The following POLK variants were observed in gnomAD, a reference collection of about 807,000 sequenced individuals.
POLK encodes polymerase (DNA directed) kappa.
In POLK, 76 loss-of-function variants were observed where a neutral mutation model predicts 94.0. That is an observed-to-expected ratio of 0.81 (90% CI 0.67 to 0.98). The LOEUF (loss-of-function observed/expected upper bound fraction) is 0.98. Among genes scored for constraint, POLK ranks in the 50% least tolerant of loss-of-function variants. The pLI, the probability that POLK is intolerant of heterozygous loss-of-function variation, is 0.00. For synonymous variants in POLK, 349 were observed against 325.4 expected (o/e 1.07, Z -0.78); for missense variants, 954 against 1,010.1 (o/e 0.94, Z 0.75).
At chr5:75,540,716 C>G (rs996379698) in intron 1 of POLK, among the ~76,000 whole-genome samples, 2 of 151,998 alleles carry the variant, frequency 1.3e-5, no homozygotes, top group African/African-American at 4.8e-5. Flanking sequence ...ATGAACTGTC[C>G]CTTAAGACCT....
chr5:75,544,312 A>G (rs1769898413), intron 1 of POLK, among the ~76,000 whole-genome samples: 1 of 152,288 alleles, frequency 6.6e-6, no homozygotes, highest in South Asian at 2.1e-4. Flanking sequence ...ACTCGAGCCC[A>G]GGAATTCAAG....
exon 13 of POLK, chr5:75,596,591 G>A (rs770083166): frequency 1.2e-6 from 2 of 1,613,732 alleles, no homozygotes; most frequent in Non-Finnish European, 1.7e-6. Flanking sequence ...GCTCAAGGGT[G>A]CATCAGTCTG....
At chr5:75,559,687 C>T (rs1770871531) in intron 3 of POLK, among the ~76,000 whole-genome samples, 1 of 151,466 alleles carries the variant, frequency 6.6e-6, no homozygotes, top group Non-Finnish European at 1.5e-5. Flanking sequence ...TATAGGTGTA[C>T]ACTTTCACAC....
At chr5:75,512,028 G>C (rs969150299) in intron 1 of POLK, 114 bp downstream of exon 1, 2 of 500,568 alleles carry the variant, frequency 4.0e-6, no homozygotes, top group African/African-American at 4.0e-5. Context: ...TCCTTGCCTT[G>C]TGTGTTTATG....
intron 1 of POLK, among the ~76,000 whole-genome samples, chr5:75,545,599 A>C (rs1487119897): frequency 6.6e-6 from 1 of 152,214 alleles, no homozygotes; most frequent in Non-Finnish European, 1.5e-5. Flanking sequence ...GTATATAAAG[A>C]TATTAAATAA....
chr5:75,577,080 T>A (rs1308159817), intron 6 of POLK, 147 bp downstream of exon 6: 3 of 435,306 alleles, frequency 6.9e-6, no homozygotes, highest in African/African-American at 4.1e-5. Flanking sequence ...CAGAAAATTT[T>A]AAAAATACCA....
chr5:75,569,869 A>G (rs1405788065), intron 4 of POLK, among the ~76,000 whole-genome samples: 1 of 152,208 alleles, frequency 6.6e-6, no homozygotes, highest in Non-Finnish European at 1.5e-5. Context: ...TGAACTGCAC[A>G]TGTGAGGGAT....
intron 1 of POLK, among the ~76,000 whole-genome samples, chr5:75,531,425 C>T (rs1769178705): frequency 6.8e-6 from 1 of 147,028 alleles, no homozygotes; most frequent in East Asian, 1.9e-4. Context: ...TAGCTATTTA[C>T]ACCAGTATAT....
At chr5:75,565,766 G>T (rs1330394598) in intron 3 of POLK, among the ~76,000 whole-genome samples, 1 of 152,194 alleles carries the variant, frequency 6.6e-6, no homozygotes, top group Non-Finnish European at 1.5e-5. Context: ...TCATCCCAGA[G>T]GGGCACCATC....
rs5744688 is a variant in POLK at position 75,586,813 on chromosome 5, A to G, written c.1227-213A>G. 7.2e-5 allele frequency among the ~76,000 whole-genome samples: 11 copies of G among 152,280 alleles called. No individual in the cohort carries two copies. In the South Asian group the frequency reaches 1.7e-3, roughly 23 times the overall value. On this transcript the variant is annotated intron_variant, in intron 9 of 14. Coordinates refer to ENST00000241436, the Ensembl canonical transcript of POLK. Reference sequence around the variant, plus strand: ...CCTATTTTCAAGTTTGTTCTCTTCAATAGATATAGACTTGATTCATAATCA... The same window carrying G: ...CCTATTTTCAAGTTTGTTCTCTTCAGTAGATATAGACTTGATTCATAATCA...
chr5:75,583,471 T>A lies in POLK; in HGVS notation c.1059+54T>A, dbSNP rs756699840. ...ATATGTACTCTGAATTCTGAAGAGA[T>A]ACTGTGTAGGCCAATAGTTAATCAT... On this transcript the variant is annotated intron_variant, in intron 8 of 14. Transcript: ENST00000241436. The A allele has an allele frequency of 4.3e-6, 5 of 1,161,338 alleles. No individual in the cohort carries two copies. The East Asian group carries it at 9.6e-5, about 22-fold the overall frequency. 71.9% of individuals were successfully genotyped at this position (1,161,338 alleles called of 1,614,324 possible). A position where few individuals can be genotyped will look rare whatever the true frequency, so the allele number is the denominator to read the frequency against.
At chr5:75,595,898 A>G (rs1773056673) in intron 12 of POLK, among the ~76,000 whole-genome samples, 1 of 152,170 alleles carries the variant, frequency 6.6e-6, no homozygotes, top group Admixed American at 6.5e-5. Flanking sequence ...TCCTCTAAAA[A>G]ATAAAGTCTA....
At chr5:75,576,629 G>T in intron 5 of POLK, 151 bp from the exon 6 acceptor site, 1 of 398,766 alleles carries the variant, frequency 2.5e-6, no homozygotes, top group Non-Finnish European at 4.5e-6. Flanking sequence ...CCTGGTAGTG[G>T]ATTATTTATT....
exon 15 of POLK, chr5:75,599,519 C>A (rs1773243942): frequency 6.6e-6 from 1 of 152,006 alleles, no homozygotes; most frequent in African/African-American, 2.4e-5. Flanking sequence ...CAATCCAATC[C>A]CATGACTGAT....
At chr5:75,596,258 G>A (rs1581109630) in exon 13 of POLK, 2 of 1,610,972 alleles carry the variant, frequency 1.2e-6, no homozygotes, top group Non-Finnish European at 1.7e-6. Context: ...GAAGAGGACA[G>A]GAAACACCAA....
At chr5:75,574,188 T>A (rs1350982800) in intron 5 of POLK, among the ~76,000 whole-genome samples, 1 of 152,184 alleles carries the variant, frequency 6.6e-6, no homozygotes, top group East Asian at 1.9e-4. Context: ...CAATATACAT[T>A]TTTTCTAGAA....
chr5:75,592,713 C>A (rs1045779347), intron 11 of POLK, among the ~76,000 whole-genome samples: 57 of 147,048 alleles, frequency 3.9e-4, no homozygotes, highest in Non-Finnish European at 7.5e-4. Flanking sequence ...AAAAAAAAAA[C>A]AAACAAAAAA....
At chr5:75,511,475 G>A (rs934873582), upstream of POLK, 7 of 1,508,384 alleles carry the variant, frequency 4.6e-6, no homozygotes, top group African/African-American at 9.8e-5. Flanking sequence ...CCCCTGCGTT[G>A]CGCCCGGCGC....
At chr5:75,576,797 T>C (rs1166869619) in exon 6 of POLK, 15 of 1,512,448 alleles carry the variant, frequency 9.9e-6, no homozygotes, top group Non-Finnish European at 1.1e-5. Flanking sequence ...AAATACTTGC[T>C]GATTATGATC....
Sources: allele counts gnomAD v4.1 joint callset (sites outside exome capture counted in the v4.1 genomes callset), GRCh38; gene constraint gnomAD v4.1.1; transcripts MANE v1.5; gene names NCBI Gene and HGNC (gene_info 2026-07-23, HGNC 2026-07-21).